Variants in STS observed in about 807,000 individuals in gnomAD.
STS encodes the protein steryl-sulfatase.
STS carries 7 observed loss-of-function variants against 26.8 expected under a neutral mutation model. The ratio of observed to expected loss-of-function variants is 0.26; its 90% CI spans 0.15 to 0.49. The LOEUF is 0.49. Among genes scored for constraint, STS ranks in the 20% least tolerant of loss-of-function variants. The pLI is 0.98. For synonymous variants in STS, 199 were observed against 189.4 expected (o/e 1.05, Z -0.42); for missense variants, 434 against 465.6 (o/e 0.93, Z 0.63).
chrX:7,325,684 C>T (rs1927410603), intron 9 of STS, among the ~76,000 whole-genome samples, 186 bp downstream of exon 9: 1 of 112,593 alleles, frequency 8.9e-6, no homozygotes, highest in Admixed American at 9.4e-5. Context: ...AATGTGTACA[C>T]AGCAGGCTTC....
chrX:7,298,760 A>G (rs945934325), intron 7 of STS, among the ~76,000 whole-genome samples: 2 of 108,942 alleles, frequency 1.8e-5, no homozygotes, highest in African/African-American at 3.3e-5. Context: ...TTTAGCTGAA[A>G]TACTGGAGTC....
At chrX:7,296,038 A>G (rs1339010437) in intron 7 of STS, among the ~76,000 whole-genome samples, 1 of 111,542 alleles carries the variant, frequency 9.0e-6, no homozygotes, top group Non-Finnish European at 1.9e-5. Flanking sequence ...AAATATGAAG[A>G]ATTCTGAAGG....
chrX:7,190,113 T>C (rs1227733108), intron 1 of STS, among the ~76,000 whole-genome samples: 2 of 110,766 alleles, frequency 1.8e-5, no homozygotes, highest in Non-Finnish European at 3.8e-5. Context: ...TCTATTATTA[T>C]TACATTGTAA....
chrX:7,323,990 C>G (rs771434039), intron 8 of STS, among the ~76,000 whole-genome samples: 8 of 111,775 alleles, frequency 7.2e-5, no homozygotes, highest in African/African-American at 2.6e-4. Flanking sequence ...CTCTGTAAAA[C>G]GTTTGAAGAG....
chrX:7,239,881 C>CTTTTTTTT (rs71893716), intron 2 of STS, among the ~76,000 whole-genome samples: 2 of 74,902 alleles, frequency 2.7e-5, no homozygotes, highest in African/African-American at 4.8e-5. Flanking sequence ...TTCTAAGTGG[C>CTTTTTTTT]TTTTTTTTTT....
intron 1 of STS, among the ~76,000 whole-genome samples, chrX:7,184,500 G>C (rs1288331826): frequency 1.8e-5 from 2 of 112,175 alleles, no homozygotes; most frequent in Non-Finnish European, 3.8e-5. Flanking sequence ...GAGGGATTTG[G>C]TCTGATAATT....
intron 1 of STS, among the ~76,000 whole-genome samples, chrX:7,173,755 AT>A (rs1422990734): frequency 4.5e-5 from 5 of 112,228 alleles, no homozygotes; most frequent in Non-Finnish European, 7.5e-5. Flanking sequence ...ACAAATGTGC[AT>A]TCATGTCCCT....
At chrX:7,260,162 A>G (rs1923671832) in intron 6 of STS, among the ~76,000 whole-genome samples, 1 of 112,539 alleles carries the variant, frequency 8.9e-6, no homozygotes, top group Non-Finnish European at 1.9e-5. Flanking sequence ...GGCGTGAGCC[A>G]CCACGCCCAG....
chrX:7,341,839 T>C (rs1928299338), intron 10 of STS, among the ~76,000 whole-genome samples: 1 of 109,161 alleles, frequency 9.2e-6, no homozygotes, highest in African/African-American at 3.3e-5. Context: ...TGAGATGGAG[T>C]TTTGCTCTTG....
At chrX:7,189,877 G>A (rs1487235282) in intron 1 of STS, among the ~76,000 whole-genome samples, 3 of 111,343 alleles carry the variant, frequency 2.7e-5, no homozygotes, top group Non-Finnish European at 3.8e-5. Context: ...ACAGGGTAAT[G>A]AAGGAGGGCT....
intron 2 of STS, among the ~76,000 whole-genome samples, chrX:7,233,910 T>C (rs1922190977): frequency 8.9e-6 from 1 of 112,032 alleles, no homozygotes; most frequent in Non-Finnish European, 1.9e-5. Flanking sequence ...ATCTTTGTCT[T>C]GTTTCCTCAT....
intron 8 of STS, among the ~76,000 whole-genome samples, chrX:7,317,974 T>C (rs1371998827): frequency 1.8e-5 from 2 of 111,894 alleles, no homozygotes; most frequent in Non-Finnish European, 3.8e-5. Context: ...TGAAAATCAG[T>C]AAAGCCTAGC....
chrX:7,350,765 T>C lies in STS; in HGVS notation c.*504T>C, dbSNP rs1928761606. On this transcript the variant is annotated 3_prime_UTR_variant, in exon 11 of 11. Transcript: ENST00000674429. ...TAAACATAAGTAACTTTAAGGTGAA[T>C]GAAAGATCTTCTTTAGGAATAATAG... 8.6e-6 allele frequency: 1 copy of C among 115,621 alleles called. No individual in the cohort carries two copies. Among genetic ancestry groups the C allele is most frequent in the African/African-American group, 3.2e-5 (1 of 31,055 alleles). 9.5% of individuals were successfully genotyped at this position (115,621 alleles called of 1,213,427 possible).
chrX:7,257,654 G>A (rs1923490730), intron 5 of STS, 66 bp downstream of exon 5: 1 of 1,179,008 alleles, frequency 8.5e-7, no homozygotes, highest in Admixed American at 2.2e-5. Flanking sequence ...CTTGGACAAA[G>A]TTAGCAAAAG....
At chrX:7,168,088 G>T (rs1445249782) in intron 1 of STS, among the ~76,000 whole-genome samples, 1 of 110,860 alleles carries the variant, frequency 9.0e-6, no homozygotes, top group African/African-American at 3.3e-5. Flanking sequence ...TTATTGATTA[G>T]AAGCAAGTCA....
intron 1 of STS, among the ~76,000 whole-genome samples, chrX:7,183,856 G>C (rs1419536301): frequency 9.0e-6 from 1 of 111,062 alleles, no homozygotes; most frequent in Non-Finnish European, 1.9e-5. Context: ...ACGAAAATTA[G>C]CCATGTGTGG....
chrX:7,284,806 C>T (rs1484014178), intron 7 of STS, among the ~76,000 whole-genome samples: 1 of 111,845 alleles, frequency 8.9e-6, no homozygotes, highest in African/African-American at 3.3e-5. Context: ...ATGGATTATA[C>T]AATAATTGTG....
Position 7,350,102 on chromosome X carries a change from G to A in STS, c.1578G>A (p.Gln526=). 8.3e-7 allele frequency: 1 copy of A among 1,212,006 alleles called. No individual in the cohort carries two copies. Among genetic ancestry groups the A allele is most frequent in the Non-Finnish European group, 1.1e-6 (1 of 895,492 alleles). The change falls in exon 11 of 11, where the codon CAG becomes CAA. Residue 526 remains glutamine, a synonymous_variant. Transcript: ENST00000674429. ...TTTATGAAATCCTCAAAGTCATGCA[G>A]GAAGCTGCGGACAGACACACCCAGA... ...PRFYEILKVM[Q]EAADRHTQTL...
At chrX:7,306,294 A>G (rs769752114) in intron 8 of STS, among the ~76,000 whole-genome samples, 2 of 111,212 alleles carry the variant, frequency 1.8e-5, no homozygotes, top group South Asian at 7.7e-4. Context: ...ATAAAGTGAT[A>G]TGATACCTAA....
Sources: gnomAD v4.1 joint callset for allele counts (sites outside exome capture counted in the v4.1 genomes callset) on GRCh38, gnomAD v4.1.1 for gene constraint, MANE v1.5 for transcripts, NCBI Gene and HGNC (gene_info 2026-07-23, HGNC 2026-07-21) for gene names.